Variants in RGL1 observed in about 807,000 individuals in gnomAD.
RGL1 encodes the protein ral guanine nucleotide dissociation stimulator-like 1.
A neutral mutation model predicts 95.2 loss-of-function variants in RGL1; 24 were observed. That is an observed-to-expected ratio of 0.25 (90% confidence interval 0.18 to 0.35). RGL1 has a LOEUF of 0.35. RGL1 is among the 10% of genes least tolerant of loss of function. The pLI, the probability that RGL1 is intolerant of heterozygous loss-of-function variation, is 1.00. For missense variants in RGL1, 715 were observed against 936.3 expected, an observed-to-expected ratio of 0.76 and a Z score of 3.08; for synonymous variants, 329 against 344.9, an observed-to-expected ratio of 0.95 and a Z score of 0.51.
chr1:183,688,762 G>T (rs1301238493), intron 1 of RGL1, among the ~76,000 whole-genome samples: 3 of 152,072 alleles, frequency 2.0e-5, no homozygotes, highest in African/African-American at 4.8e-5. Context: ...AAGTATTCTG[G>T]AGAAAAGTCA....
intron 2 of RGL1, among the ~76,000 whole-genome samples, chr1:183,756,359 G>A (rs1262111990): frequency 6.6e-6 from 1 of 152,186 alleles, no homozygotes; most frequent in Non-Finnish European, 1.5e-5. Context: ...CTGTAAAGGG[G>A]AGTGTTAGAG....
intron 2 of RGL1, among the ~76,000 whole-genome samples, chr1:183,808,704 T>G (rs1282559225): frequency 6.6e-6 from 1 of 152,132 alleles, no homozygotes; most frequent in African/African-American, 2.4e-5. Context: ...AGGAAATTAT[T>G]GCAATATGAC....
At chr1:183,881,960 T>C (rs1666848384) in intron 5 of RGL1, among the ~76,000 whole-genome samples, 1 of 152,216 alleles carries the variant, frequency 6.6e-6, no homozygotes, top group Non-Finnish European at 1.5e-5. Flanking sequence ...TGCCCCTGGC[T>C]CTGAGCCTAA....
At chr1:183,895,938 T>C (rs947408104) in intron 9 of RGL1, among the ~76,000 whole-genome samples, 4 of 152,248 alleles carry the variant, frequency 2.6e-5, no homozygotes, top group Non-Finnish European at 4.4e-5. Context: ...TTAAGTGCTC[T>C]TTTGAGATCC....
chr1:183,807,525 G>C (rs1661426306), intron 2 of RGL1, among the ~76,000 whole-genome samples: 1 of 152,252 alleles, frequency 6.6e-6, no homozygotes, highest in African/African-American at 2.4e-5. Flanking sequence ...AGGGCCTCCT[G>C]TTAAGAGTAG....
chr1:183,791,882 G>C (rs758537711), intron 2 of RGL1, among the ~76,000 whole-genome samples: 12 of 152,140 alleles, frequency 7.9e-5, no homozygotes, highest in Non-Finnish European at 1.6e-4. Context: ...AATGATGAGT[G>C]CATCTTGAGA....
intron 2 of RGL1, among the ~76,000 whole-genome samples, chr1:183,752,635 T>TATC (rs994207965): frequency 6.8e-5 from 10 of 147,238 alleles, no homozygotes; most frequent in African/African-American, 2.5e-4. Context: ...CCTTTGTACT[T>TATC]ATTCTGAGGG....
chr1:183,718,832 G>A (rs770813013), intron 1 of RGL1, among the ~76,000 whole-genome samples: 2 of 152,066 alleles, frequency 1.3e-5, no homozygotes, highest in Non-Finnish European at 2.9e-5. Flanking sequence ...AGAATCGCTT[G>A]AACCTGGGAG....
chr1:183,814,537 T>C (rs1410692785), intron 2 of RGL1, among the ~76,000 whole-genome samples: 1 of 152,212 alleles, frequency 6.6e-6, no homozygotes, highest in Admixed American at 6.5e-5. Context: ...TCTAATCCTA[T>C]GTAAACTCCC....
At position 183,892,127 on chromosome 1, in the gene RGL1, A is replaced by G. The variant is rs201284211; in HGVS notation, c.1106A>G (p.Asn369Ser). 6.8e-6 allele frequency: 11 copies of G among 1,613,060 alleles called. No individual in the cohort carries two copies. The highest frequency in any genetic ancestry group is 8.5e-6 in the Non-Finnish European group (10 of 1,179,384). Reference sequence around the variant, plus strand: ...CTTTCAGATATCTTCTCAGACCATAATAACCATTTGACCAGCCGAGAACTA... The same window carrying G: ...CTTTCAGATATCTTCTCAGACCATAGTAACCATTTGACCAGCCGAGAACTA... ...EELSDIFSDH[N>S]NHLTSRELLM... Residue 369 changes from asparagine to serine, a missense_variant, in exon 9 of 18, where the codon AAT becomes AGT. Physicochemically the swap from Asn to Ser is conservative, Grantham distance 46. Transcript: ENST00000360851.
At chr1:183,733,962 T>C (rs1656782709) in intron 1 of RGL1, among the ~76,000 whole-genome samples, 1 of 152,234 alleles carries the variant, frequency 6.6e-6, no homozygotes, top group Non-Finnish European at 1.5e-5. Context: ...AAGTGTTTTC[T>C]TGAAAGAGTT....
At chr1:183,802,612 A>AC (rs1553285557), upstream of RGL1, among the ~76,000 whole-genome samples, 1 of 151,578 alleles carries the variant, frequency 6.6e-6, no homozygotes. Context: ...AAAAAAAAAA[A>AC]AAAAAAAAAC....
chr1:183,720,347 C>A (rs1161004160), intron 1 of RGL1, among the ~76,000 whole-genome samples: 1 of 152,244 alleles, frequency 6.6e-6, no homozygotes, highest in Non-Finnish European at 1.5e-5. Flanking sequence ...CTGGCACCCA[C>A]ACAGCATGCA....
intron 2 of RGL1, among the ~76,000 whole-genome samples, chr1:183,745,025 T>C (rs924252411): frequency 1.3e-5 from 2 of 152,194 alleles, no homozygotes; most frequent in Non-Finnish European, 2.9e-5. Context: ...CCATTCTATA[T>C]CCTCACCTGT....
chr1:183,653,185 T>C (rs1650895882), intron 1 of RGL1: 1 of 152,204 alleles, frequency 6.6e-6, no homozygotes, highest in African/African-American at 2.4e-5. Flanking sequence ...CAGAAGGCAA[T>C]TGTGCTGTAA....
chr1:183,772,266 C>G (rs1342662195), intron 2 of RGL1, among the ~76,000 whole-genome samples: 2 of 152,192 alleles, frequency 1.3e-5, no homozygotes, highest in African/African-American at 4.8e-5. Flanking sequence ...TAAGAGAGCA[C>G]CTTGTAACAC....
At chr1:183,899,520 G>A (rs1378323530) in intron 10 of RGL1, among the ~76,000 whole-genome samples, 1 of 152,188 alleles carries the variant, frequency 6.6e-6, no homozygotes, top group East Asian at 1.9e-4. Context: ...ACAGAGTAAA[G>A]TGCCCTTCTC....
At chr1:183,677,030 T>C (rs928434220) in intron 1 of RGL1, among the ~76,000 whole-genome samples, 4 of 151,678 alleles carry the variant, frequency 2.6e-5, no homozygotes, top group Admixed American at 2.0e-4. Flanking sequence ...AACTCAGACA[T>C]GTAGAGCTTT....
chr1:183,915,303 G>T lies in RGL1; in HGVS notation c.1750-1144G>T, dbSNP rs201782141. On this transcript the variant is annotated intron_variant, in intron 15 of 17. Coordinates refer to ENST00000360851, the MANE Select transcript of RGL1 (RefSeq NM_001297671.3). ...CAGAATATTTTATAGGATTAACATG[G>T]TATAATTTAGCTTAAGTCATTCCGG... 4.6e-5 allele frequency among the ~76,000 whole-genome samples: 7 copies of T among 152,232 alleles called. No individual in the cohort carries two copies. In the East Asian group the frequency reaches 1.2e-3, roughly 25 times the overall value.
Sources: gnomAD v4.1 joint callset for allele counts (sites outside exome capture counted in the v4.1 genomes callset) on GRCh38, gnomAD v4.1.1 for gene constraint, MANE v1.5 for transcripts, NCBI Gene and HGNC (gene_info 2026-07-23, HGNC 2026-07-21) for gene names.